Variants in PARD3B observed in about 807,000 individuals in gnomAD.
The protein encoded by PARD3B is par-3 family cell polarity regulator beta, also known as partitioning defective 3 homolog B.
A neutral mutation model predicts 130.2 loss-of-function variants in PARD3B; 103 were observed. That is an observed-to-expected ratio of 0.79 (90% CI 0.67 to 0.93). The LOEUF (loss-of-function observed/expected upper bound fraction) is 0.93. Ranked by LOEUF, PARD3B falls within the 40% of genes least tolerant of loss-of-function variation. PARD3B has a pLI of 0.00. For missense variants in PARD3B, 1,609 were observed against 1,499.2 expected (o/e 1.07, Z -1.21); for synonymous variants, 583 against 553.2 (o/e 1.05, Z -0.76).
At chr2:205,150,248 TGTGTGC>T (rs2033655684) in intron 10 of PARD3B, among the ~76,000 whole-genome samples, 1 of 119,658 alleles carries the variant, frequency 8.4e-6, no homozygotes, top group South Asian at 2.6e-4. Flanking sequence ...TGTGTGTGTG[TGTGTGC>T]ACACACGCTT....
chr2:205,161,935 C>T (rs1028263001), intron 11 of PARD3B, among the ~76,000 whole-genome samples: 1 of 152,158 alleles, frequency 6.6e-6, no homozygotes, highest in Non-Finnish European at 1.5e-5. Context: ...CTCCTGGGGG[C>T]TTCCATTGGT....
Position 205,057,552 on chromosome 2 carries a change from T to C in PARD3B, c.504+9862T>C, listed in dbSNP as rs917731528. ...ATATACATATATGTATATGTGTATA[T>C]GTATATATACATATATGTATATGTG... On this transcript the variant is annotated intron_variant, in intron 4 of 22. Transcript: ENST00000406610. 8.2e-5 allele frequency among the ~76,000 whole-genome samples: 12 copies of C among 146,230 alleles called. 1 individual carries two copies. The highest frequency in any genetic ancestry group is 2.1e-4 in the Admixed American group (3 of 14,140).
rs2047916970 is a variant in PARD3B, at chr2:205,446,648, G to T, written c.3044+5976G>T. 6.6e-6 allele frequency among the ~76,000 whole-genome samples: 1 copy of T among 151,716 alleles called. No homozygotes were observed. The highest frequency in any genetic ancestry group is 1.5e-5 in the Non-Finnish European group (1 of 67,972). On this transcript the variant is annotated intron_variant, in intron 20 of 22. Coordinates refer to ENST00000406610, the MANE Select transcript of PARD3B (RefSeq NM_001302769.2). This position sits in a 1 kb window ranked among gnomAD's most constrained non-coding sequence, Gnocchi z 4.4. Reference sequence around the variant, plus strand: ...CAGTCCATCTTAGAAAAAAAAAATTGCCTTATAAAAGATTCATCTATAAAT... The same window carrying T: ...CAGTCCATCTTAGAAAAAAAAAATTTCCTTATAAAAGATTCATCTATAAAT...
intron 22 of PARD3B, among the ~76,000 whole-genome samples, chr2:205,567,082 C>T (rs1055040286): frequency 6.6e-6 from 1 of 151,906 alleles, no homozygotes; most frequent in African/African-American, 2.4e-5. Flanking sequence ...TAAATTTGTT[C>T]AGAAATATGC....
chr2:205,100,280 T>C, intron 4 of PARD3B, among the ~76,000 whole-genome samples: 1 of 152,154 alleles, frequency 6.6e-6, no homozygotes, highest in East Asian at 1.9e-4. Context: ...TCAGTTTTTT[T>C]CTTTGACACT....
At chr2:204,736,913 C>G (rs566000657) in intron 2 of PARD3B, among the ~76,000 whole-genome samples, 6 of 152,146 alleles carry the variant, frequency 3.9e-5, no homozygotes, top group Non-Finnish European at 5.9e-5. Context: ...TAACCATTCC[C>G]TTTTCCCCAC....
At chr2:205,112,286 T>C (rs1189640561) in intron 5 of PARD3B, among the ~76,000 whole-genome samples, 3 of 152,078 alleles carry the variant, frequency 2.0e-5, no homozygotes, top group African/African-American at 7.2e-5. Flanking sequence ...TTAATGATAA[T>C]AGGCTTGCAA....
intron 2 of PARD3B, among the ~76,000 whole-genome samples, chr2:204,916,195 C>T (rs1456338419): frequency 6.6e-6 from 1 of 152,166 alleles, no homozygotes; most frequent in Non-Finnish European, 1.5e-5. Context: ...TATCTATGTA[C>T]TTTTCATTAT....
At position 205,300,109 on chromosome 2, in the gene PARD3B, G is replaced by T. The variant is rs557321216; in HGVS notation, c.2186-421G>T. 1.3e-5 allele frequency among the ~76,000 whole-genome samples: 2 copies of T among 152,240 alleles called. No individual in the cohort carries two copies. The highest frequency in any genetic ancestry group is 3.9e-4 in the East Asian group (2 of 5,174). ...GGAAGAGAAGCTCTCGTCATGTTAGGTGCTTGGTATGTTTGTGTGTGTGTC... is the reference window on the plus strand; with the variant it reads ...GGAAGAGAAGCTCTCGTCATGTTAGTTGCTTGGTATGTTTGTGTGTGTGTC... On this transcript the variant is annotated intron_variant, in intron 16 of 22. Coordinates refer to ENST00000406610, the MANE Select transcript of PARD3B (RefSeq NM_001302769.2). The surrounding 1 kb of genome is among the most constrained non-coding windows in gnomAD (Gnocchi z 4.1).
chr2:205,126,281 A>G (rs1457140916), intron 10 of PARD3B, among the ~76,000 whole-genome samples: 1 of 152,168 alleles, frequency 6.6e-6, no homozygotes, highest in African/African-American at 2.4e-5. Flanking sequence ...TAGACCTAGT[A>G]ACTAGACTTC....
intron 1 of PARD3B, among the ~76,000 whole-genome samples, chr2:204,551,324 C>T (rs2125042883): frequency 6.6e-6 from 1 of 152,346 alleles, no homozygotes; most frequent in African/African-American, 2.4e-5. Flanking sequence ...TCCCACATAG[C>T]AACCATCAGT....
chr2:205,054,363 G>C (rs1405260138), intron 4 of PARD3B, among the ~76,000 whole-genome samples: 2 of 120,770 alleles, frequency 1.7e-5, no homozygotes, highest in African/African-American at 6.2e-5. Flanking sequence ...TCACTATTTA[G>C]GTCAATTTCA....
chr2:205,175,153 G>T (rs1340938514), intron 12 of PARD3B, among the ~76,000 whole-genome samples: 2 of 152,184 alleles, frequency 1.3e-5, no homozygotes, highest in African/African-American at 4.8e-5. Flanking sequence ...TTACTGATCA[G>T]TTGTTGGGAT....
At chr2:205,071,736 TAC>T (rs1461321099) in intron 4 of PARD3B, among the ~76,000 whole-genome samples, 4 of 152,220 alleles carry the variant, frequency 2.6e-5, no homozygotes, top group African/African-American at 4.8e-5. Context: ...TGTGTGTGTA[TAC>T]AGAGATACAC....
chr2:204,958,621 C>A (rs1190258594), intron 2 of PARD3B, among the ~76,000 whole-genome samples: 1 of 152,094 alleles, frequency 6.6e-6, no homozygotes, highest in African/African-American at 2.4e-5. Flanking sequence ...TCAAGTGGGA[C>A]TCAGTCTGGA....
chr2:205,100,468 A>C (rs1452915970), intron 4 of PARD3B, among the ~76,000 whole-genome samples: 2 of 151,428 alleles, frequency 1.3e-5, no homozygotes, highest in African/African-American at 4.8e-5. Flanking sequence ...TTTTTTTTGC[A>C]GATATTAACA....
At chr2:204,588,482 C>G (rs1386428099) in intron 1 of PARD3B, among the ~76,000 whole-genome samples, 1 of 152,170 alleles carries the variant, frequency 6.6e-6, no homozygotes, top group African/African-American at 2.4e-5. Context: ...CTATTCCCCC[C>G]ACTTTGATAT....
At chr2:204,579,015 G>A (rs1391051481) in intron 1 of PARD3B, among the ~76,000 whole-genome samples, 1 of 151,966 alleles carries the variant, frequency 6.6e-6, no homozygotes, top group Admixed American at 6.6e-5. Context: ...TCTTTGAACT[G>A]GATCTCGTTT....
chr2:205,256,133 ATATATAT>A (rs1265652172), intron 16 of PARD3B, among the ~76,000 whole-genome samples: 1 of 152,012 alleles, frequency 6.6e-6, no homozygotes, highest in Non-Finnish European at 1.5e-5. Flanking sequence ...GGAAAACCAA[ATATATAT>A]TTTATATTAC....
Sources: gnomAD v4.1 joint callset for allele counts (sites outside exome capture counted in the v4.1 genomes callset) on GRCh38, gnomAD v4.1.1 for gene constraint, Gnocchi (gnomAD v3.1) non-coding constraint, MANE v1.5 for transcripts, NCBI Gene and HGNC (gene_info 2026-07-23, HGNC 2026-07-21) for gene names.